Variants in CDK6 observed in about 807,000 individuals in gnomAD.
CDK6 encodes the protein cyclin-dependent kinase 6.
CDK6 carries 6 observed loss-of-function variants against 37.1 expected under a neutral mutation model. That is an observed-to-expected ratio of 0.16 (90% CI 0.09 to 0.32). The LOEUF is 0.32. Ranked by LOEUF, CDK6 falls within the 10% of genes least tolerant of loss-of-function variation. The pLI is 1.00. For missense variants in CDK6, 224 were observed against 418.9 expected (o/e 0.53, Z 4.06); for synonymous variants, 160 against 161.3 (o/e 0.99, Z 0.06).
At chr7:92,635,863 G>A (rs1400259087) in intron 5 of CDK6, among the ~76,000 whole-genome samples, 4 of 152,086 alleles carry the variant, frequency 2.6e-5, no homozygotes, top group African/African-American at 4.8e-5. Context: ...GGATAAATGC[G>A]TTTCCTTATT....
At chr7:92,708,298 T>C (rs1277152535) in intron 4 of CDK6, among the ~76,000 whole-genome samples, 1 of 152,208 alleles carries the variant, frequency 6.6e-6, no homozygotes, top group Non-Finnish European at 1.5e-5. Context: ...ATTACTTTTA[T>C]AATAGACATA....
intron 2 of CDK6, among the ~76,000 whole-genome samples, chr7:92,811,966 C>A (rs536156639): frequency 5.6e-4 from 85 of 152,236 alleles, no homozygotes; most frequent in African/African-American, 2.0e-3. Context: ...GCCTGACCAA[C>A]ACTGTGAAAC....
intron 4 of CDK6, among the ~76,000 whole-genome samples, chr7:92,702,596 C>T (rs1797877442): frequency 1.3e-5 from 2 of 152,152 alleles, no homozygotes; most frequent in South Asian, 4.2e-4. Context: ...AGAATAGAAA[C>T]ATTTGCTTTC....
chr7:92,676,126 G>A (rs955965269), intron 4 of CDK6, among the ~76,000 whole-genome samples: 4 of 149,410 alleles, frequency 2.7e-5, no homozygotes, highest in Non-Finnish European at 6.0e-5. Context: ...TTGTTGTTGA[G>A]TTTTTTTTTG....
In CDK6 at chr7:92,618,114, C is replaced by T. The variant is rs762902269; in HGVS notation, c.792G>A (p.Lys264=). The T allele has an allele frequency of 6.2e-7, 1 of 1,614,164 alleles. No homozygotes were observed. The highest frequency in any genetic ancestry group is 8.5e-7 in the Non-Finnish European group (1 of 1,180,006). The change falls in exon 7 of 8, where the codon AAG becomes AAA. Residue 264 remains lysine, a synonymous_variant. Transcript: ENST00000424848. Reference sequence around the variant, plus strand: ...CTAGTTCATCGATATCTGTTACAAACTTCTCAATTGGTTGGGCAGATTTTG... The same window carrying T: ...CTAGTTCATCGATATCTGTTACAAATTTCTCAATTGGTTGGGCAGATTTTG... ...FHSKSAQPIE[K]FVTDIDELGK...
intron 4 of CDK6, among the ~76,000 whole-genome samples, chr7:92,692,713 A>T (rs1797624840): frequency 6.6e-6 from 1 of 152,096 alleles, no homozygotes; most frequent in African/African-American, 2.4e-5. Flanking sequence ...TGAGCCTGTG[A>T]AGTCGAGGCT....
At chr7:92,615,390 A>G (rs1795654484) in intron 7 of CDK6, 104 bp from the exon 8 acceptor site, 1 of 888,668 alleles carries the variant, frequency 1.1e-6, no homozygotes, top group African/African-American at 1.7e-5. Context: ...AAGCGCATCT[A>G]CAGTGGGAAT....
At chr7:92,625,773 G>A (rs973820833) in intron 5 of CDK6, among the ~76,000 whole-genome samples, 1 of 152,052 alleles carries the variant, frequency 6.6e-6, no homozygotes, top group Non-Finnish European at 1.5e-5. Context: ...GTGTATACTG[G>A]TATGTCTGTT....
At chr7:92,745,189 G>A (rs1799029545) in intron 3 of CDK6, among the ~76,000 whole-genome samples, 1 of 152,152 alleles carries the variant, frequency 6.6e-6, no homozygotes, top group East Asian at 1.9e-4. Flanking sequence ...AAGGGCTCTT[G>A]CAGACTTCTT....
intron 2 of CDK6, among the ~76,000 whole-genome samples, chr7:92,793,394 A>C (rs1184281553): frequency 6.6e-6 from 1 of 152,160 alleles, no homozygotes; most frequent in Non-Finnish European, 1.5e-5. Context: ...TACTGGCATA[A>C]AGATAAACAA....
intron 2 of CDK6, among the ~76,000 whole-genome samples, chr7:92,787,828 T>C (rs1584090698): frequency 6.6e-6 from 1 of 152,234 alleles, no homozygotes; most frequent in Non-Finnish European, 1.5e-5. Flanking sequence ...AAATCCTACA[T>C]GGTAGAATTC....
At chr7:92,741,777 C>G (rs114260320) in intron 3 of CDK6, among the ~76,000 whole-genome samples, 1 of 152,098 alleles carries the variant, frequency 6.6e-6, no homozygotes, top group East Asian at 1.9e-4. Context: ...CAGAAACAGA[C>G]GGCATAGTAC....
chr7:92,668,728 G>A (rs545303580), intron 5 of CDK6, among the ~76,000 whole-genome samples: 2 of 152,302 alleles, frequency 1.3e-5, no homozygotes, highest in African/African-American at 4.8e-5. Context: ...TCAGAACCAG[G>A]TCAAGCTGGT....
intron 5 of CDK6, among the ~76,000 whole-genome samples, chr7:92,631,530 T>C (rs1796052604): frequency 6.6e-6 from 1 of 152,208 alleles, no homozygotes; most frequent in Non-Finnish European, 1.5e-5. Flanking sequence ...CCCCTCCTCA[T>C]ACCACAATTC....
At chr7:92,756,369 GTAGTGAAATTTT>G (rs1799319057) in intron 3 of CDK6, among the ~76,000 whole-genome samples, 1 of 152,190 alleles carries the variant, frequency 6.6e-6, no homozygotes, top group Non-Finnish European at 1.5e-5. Flanking sequence ...GGCATGGCAT[GTAGTGAAATTTT>G]GCTGCTCTGA....
chr7:92,765,449 C>T (rs776758671), intron 3 of CDK6, among the ~76,000 whole-genome samples: 2 of 151,660 alleles, frequency 1.3e-5, no homozygotes, highest in Non-Finnish European at 2.9e-5. Context: ...TCCCAGAATC[C>T]CGGCCCACCA....
rs1795439988 is a variant in CDK6, at chr7:92,606,823, C to T, written c.*8317G>A. 1 of 232,828 alleles carries T rather than the reference C, an allele frequency of 4.3e-6. No homozygotes were observed. Among genetic ancestry groups the T allele is most frequent in the African/African-American group, 2.2e-5 (1 of 45,328 alleles). 14.4% of individuals were successfully genotyped at this position (232,828 alleles called of 1,614,324 possible). On this transcript the variant is annotated 3_prime_UTR_variant, in exon 8 of 8. Coordinates refer to ENST00000424848, the MANE Select transcript of CDK6 (RefSeq NM_001145306.2). ...ATCTCAAAATGATAATCGTATAAAA[C>T]TTTCTAGTTCTAATTTGCACTCTAC... is the stretch of plus-strand genomic sequence containing the variant.
chr7:92,653,290 C>G (rs992543935), intron 5 of CDK6, among the ~76,000 whole-genome samples: 2 of 152,194 alleles, frequency 1.3e-5, no homozygotes, highest in African/African-American at 4.8e-5. Context: ...GTCTCAGTCA[C>G]TGGTTCCACT....
At chr7:92,625,600 T>C (rs1482655299) in intron 5 of CDK6, among the ~76,000 whole-genome samples, 1 of 151,558 alleles carries the variant, frequency 6.6e-6, no homozygotes, top group African/African-American at 2.4e-5. Context: ...TTTAAGTCTA[T>C]CAGTGAGATA....
Sources: gnomAD v4.1 joint callset for allele counts (sites outside exome capture counted in the v4.1 genomes callset) on GRCh38, gnomAD v4.1.1 for gene constraint, MANE v1.5 for transcripts, NCBI Gene and HGNC (gene_info 2026-07-23, HGNC 2026-07-21) for gene names.